The following IL15 variants were observed in gnomAD, a reference collection of about 807,000 sequenced individuals.
IL15 encodes the protein interleukin 15.
IL15 carries 11 observed loss-of-function variants against 19.6 expected under a neutral mutation model. The observed-to-expected ratio is 0.56, with a 90% CI of 0.35 to 0.93. The LOEUF (loss-of-function observed/expected upper bound fraction) is 0.93, where lower values mean the gene tolerates loss of function less well. Among genes scored for constraint, IL15 ranks in the 40% least tolerant of loss-of-function variants. IL15 has a pLI of 0.01. For missense variants in IL15, 197 were observed against 186.5 expected (o/e 1.06, Z -0.33); for synonymous variants, 58 against 59.6 (o/e 0.97, Z 0.12).
At chr4:141,672,068 T>G (rs890406459) in intron 2 of IL15, among the ~76,000 whole-genome samples, 1 of 152,218 alleles carries the variant, frequency 6.6e-6, no homozygotes, top group African/African-American at 2.4e-5. Context: ...TAGCAAGGAA[T>G]AATAGTATGA....
At chr4:141,642,055 AC>A (rs1360672741) in intron 1 of IL15, among the ~76,000 whole-genome samples, 4 of 152,110 alleles carry the variant, frequency 2.6e-5, no homozygotes, top group African/African-American at 9.7e-5. Flanking sequence ...TGAAAAAAAA[AC>A]TAAAACAATA....
At chr4:141,690,317 G>C (rs1490129789) in intron 2 of IL15, among the ~76,000 whole-genome samples, 1 of 152,224 alleles carries the variant, frequency 6.6e-6, no homozygotes, top group East Asian at 1.9e-4. Flanking sequence ...CAGTGCATCG[G>C]TGGGCTGAAG....
At chr4:141,704,820 G>A (rs1391262853) in intron 2 of IL15, among the ~76,000 whole-genome samples, 1 of 151,552 alleles carries the variant, frequency 6.6e-6, no homozygotes, top group Non-Finnish European at 1.5e-5. Flanking sequence ...TAGGTCATAT[G>A]TGTCCAGAAA....
At chr4:141,696,283 G>A (rs967384721) in intron 2 of IL15, among the ~76,000 whole-genome samples, 10 of 151,988 alleles carry the variant, frequency 6.6e-5, no homozygotes, top group African/African-American at 2.4e-4. Context: ...CTGTTAAATT[G>A]GTCTATGAGT....
chr4:141,691,309 TG>T (rs904167832), intron 2 of IL15, among the ~76,000 whole-genome samples: 10 of 152,096 alleles, frequency 6.6e-5, no homozygotes, highest in African/African-American at 2.2e-4. Flanking sequence ...GAGATTTGAG[TG>T]GGGACACAAA....
chr4:141,647,237 C>T (rs1254599987), intron 1 of IL15, among the ~76,000 whole-genome samples: 1 of 152,056 alleles, frequency 6.6e-6, no homozygotes, highest in African/African-American at 2.4e-5. Flanking sequence ...AGATTTTAAC[C>T]ATGAGAGTCA....
At chr4:141,691,949 C>T (rs1728926737) in intron 2 of IL15, among the ~76,000 whole-genome samples, 1 of 152,262 alleles carries the variant, frequency 6.6e-6, no homozygotes, top group African/African-American at 2.4e-5. Flanking sequence ...CTCCACCCTG[C>T]TCCAGCAGAG....
intron 2 of IL15, among the ~76,000 whole-genome samples, chr4:141,702,359 T>G (rs1220180939): frequency 6.6e-6 from 1 of 152,230 alleles, no homozygotes; most frequent in Admixed American, 6.5e-5. Flanking sequence ...TACCAGACTC[T>G]GGGCTGGTGA....
chr4:141,645,918 T>A lies in IL15; in HGVS notation c.-222+9170T>A, dbSNP rs111577154. On this transcript the variant is annotated intron_variant, in intron 1 of 7. Transcript: ENST00000320650. ...CACGGTAGTTTCAGGGTTGTCAGACTCTTCACAACTTGGCCAACTTCTATA... is the reference window on the plus strand; with the variant it reads ...CACGGTAGTTTCAGGGTTGTCAGACACTTCACAACTTGGCCAACTTCTATA... 5.2e-3 allele frequency among the ~76,000 whole-genome samples: 792 copies of A among 152,198 alleles called. 15 individuals are homozygous for A. The highest frequency in any genetic ancestry group is 0.018 in the African/African-American group (767 of 41,526).
intron 1 of IL15, among the ~76,000 whole-genome samples, chr4:141,643,668 T>G (rs1346947037): frequency 6.6e-6 from 1 of 152,114 alleles, no homozygotes; most frequent in Non-Finnish European, 1.5e-5. Context: ...TAGTTCCTAA[T>G]TTCCCTAACA....
intron 1 of IL15, among the ~76,000 whole-genome samples, chr4:141,639,021 A>G (rs1381821212): frequency 6.6e-6 from 1 of 152,240 alleles, no homozygotes; most frequent in African/African-American, 2.4e-5. Flanking sequence ...AACTTAAGTT[A>G]TGAGAAACAG....
intron 1 of IL15, among the ~76,000 whole-genome samples, chr4:141,640,878 T>G (rs1247353093): frequency 3.9e-5 from 6 of 152,178 alleles, no homozygotes. Flanking sequence ...ACAAATTATT[T>G]TGTGAAATGA....
intron 2 of IL15, among the ~76,000 whole-genome samples, chr4:141,678,065 T>C (rs1728406784): frequency 6.6e-6 from 1 of 152,296 alleles, no homozygotes; most frequent in South Asian, 2.1e-4. Context: ...TAGTCCTATA[T>C]AGCCAGGCTA....
intron 2 of IL15, among the ~76,000 whole-genome samples, chr4:141,714,413 C>T (rs1337296031): frequency 6.6e-6 from 1 of 152,022 alleles, no homozygotes; most frequent in Non-Finnish European, 1.5e-5. Context: ...GTTGTTATTT[C>T]CACCACTTAC....
rs1727041431 is a variant in IL15, at chr4:141,641,511, A to G, written c.-222+4763A>G. ...ATACACCATAGAATACTATGCAGCC[A>G]TAAAAAAGGATGAGTTCATGTCCTT... On this transcript the variant is annotated intron_variant, in intron 1 of 7. Transcript: ENST00000320650. Among the ~76,000 whole-genome samples the G allele has an allele frequency of 2.6e-5, 4 of 152,136 alleles. No homozygotes were observed. In the South Asian group the frequency reaches 8.3e-4, roughly 32 times the overall value.
rs370311285 is a variant in IL15 at position 141,727,930 on chromosome 4, T to A, written c.196-10T>A. On this transcript the variant is annotated splice_polypyrimidine_tract_variant and intron_variant, in intron 5 of 7. Coordinates refer to ENST00000320650, the MANE Select transcript of IL15 (RefSeq NM_000585.5). ...AGTTTTTAATATTGTCTAATTTTGT[T>A]TCCTTTCAGTCTATGCATATTGATG... 40 of 1,162,558 alleles carry A rather than the reference T, an allele frequency of 3.4e-5. No individual in the cohort carries two copies. The highest frequency in any genetic ancestry group is 4.8e-5 in the Non-Finnish European group (38 of 789,830). The allele number at this position is 1,162,558 out of a possible 1,614,324, so 72.0% of individuals were successfully genotyped here. A position where few individuals can be genotyped will look rare whatever the true frequency, so the allele number is the denominator to read the frequency against.
At chr4:141,727,042 G>A (rs938977675) in intron 5 of IL15, among the ~76,000 whole-genome samples, 1 of 152,156 alleles carries the variant, frequency 6.6e-6, no homozygotes, top group Admixed American at 6.5e-5. Flanking sequence ...ATCAGTGGTT[G>A]CTAGGGGTTT....
intron 2 of IL15, among the ~76,000 whole-genome samples, chr4:141,682,531 C>T (rs1728565987): frequency 6.6e-6 from 1 of 152,132 alleles, no homozygotes; most frequent in African/African-American, 2.4e-5. Context: ...TATATACAGT[C>T]ACATTAAAAA....
chr4:141,656,616 C>T (rs1040967496), intron 2 of IL15, among the ~76,000 whole-genome samples: 1 of 152,068 alleles, frequency 6.6e-6, no homozygotes, highest in Non-Finnish European at 1.5e-5. Flanking sequence ...AAGCAATAAT[C>T]GTGTAGGTGT....
Sources: gnomAD v4.1 joint callset for allele counts (sites outside exome capture counted in the v4.1 genomes callset) on GRCh38, gnomAD v4.1.1 for gene constraint, MANE v1.5 for transcripts, NCBI Gene and HGNC (gene_info 2026-07-23, HGNC 2026-07-21) for gene names.